The following ZSCAN30 variants were observed in gnomAD, a reference collection of about 807,000 sequenced individuals.
ZSCAN30 encodes the protein zinc finger and SCAN domain containing 30.
A neutral mutation model predicts 44.3 loss-of-function variants in ZSCAN30; 37 were observed. That is an observed-to-expected ratio of 0.84 (90% CI 0.64 to 1.10). The LOEUF is 1.10. Ranked by LOEUF, ZSCAN30 falls within the 50% of genes least tolerant of loss-of-function variation. ZSCAN30 has a pLI of 0.00. For missense variants in ZSCAN30, 549 were observed against 582.6 expected (o/e 0.94, Z 0.59); for synonymous variants, 181 against 204.6 (o/e 0.88, Z 0.98).
intron 1 of ZSCAN30, among the ~76,000 whole-genome samples, chr18:35,274,341 G>T (rs995382382): frequency 1.3e-5 from 2 of 152,058 alleles, no homozygotes; most frequent in African/African-American, 4.8e-5. Context: ...CCGGCCGAAG[G>T]TACTCCTCTT....
chr18:35,255,109 A>G (rs2043753860), intron 3 of ZSCAN30: 1 of 151,840 alleles, frequency 6.6e-6, no homozygotes, highest in South Asian at 2.1e-4. Flanking sequence ...GTATCAAAGA[A>G]GGGGATGGAG....
intron 1 of ZSCAN30, chr18:35,284,583 C>G (rs2044518453): frequency 6.4e-6 from 1 of 155,090 alleles, no homozygotes. Flanking sequence ...CAACAGCACC[C>G]TGGCTCGGCC....
intron 3 of ZSCAN30, chr18:35,260,405 T>A (rs2043998707): frequency 6.6e-6 from 1 of 152,200 alleles, no homozygotes; most frequent in Non-Finnish European, 1.5e-5. Flanking sequence ...TCAAGTGGTA[T>A]TTCTGGTTCT....
intron 1 of ZSCAN30, among the ~76,000 whole-genome samples, chr18:35,273,976 G>T (rs1200135260): frequency 6.6e-6 from 1 of 152,126 alleles, no homozygotes; most frequent in Non-Finnish European, 1.5e-5. Flanking sequence ...CTTTTATCAG[G>T]AATTTTCATG....
chr18:35,261,992 A>G (rs1331408684), intron 3 of ZSCAN30: 1 of 152,200 alleles, frequency 6.6e-6, no homozygotes, highest in Non-Finnish European at 1.5e-5. Context: ...TCCCAGAAGA[A>G]TTCAGTGGAT....
chr18:35,265,488 T>G (rs1378903633), intron 1 of ZSCAN30, among the ~76,000 whole-genome samples: 1 of 152,180 alleles, frequency 6.6e-6, no homozygotes, highest in Admixed American at 6.5e-5. Flanking sequence ...AGGCTGCAAC[T>G]CTACAGTACT....
intron 1 of ZSCAN30, among the ~76,000 whole-genome samples, chr18:35,272,955 G>C (rs1000971688): frequency 6.6e-6 from 1 of 152,094 alleles, no homozygotes; most frequent in African/African-American, 2.4e-5. Flanking sequence ...TCACTTCCAC[G>C]AGAACAGTAT....
chr18:35,289,285 G>A (rs1360631936), intron 1 of ZSCAN30: 1 of 152,066 alleles, frequency 6.6e-6, no homozygotes, highest in Admixed American at 6.5e-5. Flanking sequence ...AAAGAAAGCT[G>A]TTTTTTTAAA....
rs942789987 is a variant in ZSCAN30 at position 35,251,847 on chromosome 18, C to T, written c.*1603G>A. ...AGTATCAGGTAGTATCTTCATAGCA[C>T]TGTGAAAATGGACTAATACAAGCAG... On this transcript the variant is annotated 3_prime_UTR_variant, in exon 4 of 4. Coordinates refer to ENST00000333206, the MANE Select transcript of ZSCAN30 (RefSeq NM_001112734.4). 1 of 151,628 alleles carries T rather than the reference C, an allele frequency of 6.6e-6. No homozygotes were observed. The highest frequency in any genetic ancestry group is 6.6e-5 in the Admixed American group (1 of 15,200). 9.4% of individuals were successfully genotyped at this position (151,628 alleles called of 1,614,324 possible). A position where few individuals can be genotyped will look rare whatever the true frequency, so the allele number is the denominator to read the frequency against.
At chr18:35,276,987 G>A (rs539718330) in intron 1 of ZSCAN30, among the ~76,000 whole-genome samples, 1 of 152,358 alleles carries the variant, frequency 6.6e-6, no homozygotes, top group South Asian at 2.1e-4. Flanking sequence ...CCAAGGCTAT[G>A]CAAGCCCACC....
intron 3 of ZSCAN30, chr18:35,259,680 C>T (rs931587972): frequency 1.3e-5 from 2 of 154,266 alleles, no homozygotes; most frequent in African/African-American, 4.8e-5. Context: ...ACAGCTTCAA[C>T]ATATGAATTT....
intron 1 of ZSCAN30, among the ~76,000 whole-genome samples, chr18:35,264,780 A>G (rs951760222): frequency 7.2e-5 from 11 of 152,198 alleles, no homozygotes; most frequent in Non-Finnish European, 1.3e-4. Context: ...CCACCATTTT[A>G]TTGATCACTA....
chr18:35,277,014 C>T (rs1462986631), intron 1 of ZSCAN30, among the ~76,000 whole-genome samples: 1 of 152,202 alleles, frequency 6.6e-6, no homozygotes, highest in African/African-American at 2.4e-5. Flanking sequence ...ATCAGTGTGC[C>T]CTGGATGTGA....
At chr18:35,260,033 C>T (rs2043988915) in intron 3 of ZSCAN30, 1 of 152,204 alleles carries the variant, frequency 6.6e-6, no homozygotes, top group African/African-American at 2.4e-5. Context: ...CCCCACAGGC[C>T]CCAGTGTGTG....
chr18:35,276,931 G>A (rs1237726254), intron 1 of ZSCAN30, among the ~76,000 whole-genome samples: 1 of 152,210 alleles, frequency 6.6e-6, no homozygotes, highest in East Asian at 1.9e-4. Context: ...TGTGAAAGCA[G>A]CCAGGAGGGG....
chr18:35,285,147 C>G (rs1244587943), intron 1 of ZSCAN30: 2 of 152,902 alleles, frequency 1.3e-5, no homozygotes, highest in African/African-American at 4.8e-5. Flanking sequence ...CAACAACACT[C>G]CAGCCTGGGC....
intron 1 of ZSCAN30, among the ~76,000 whole-genome samples, chr18:35,265,944 A>G (rs960108285): frequency 7.2e-5 from 11 of 152,122 alleles, no homozygotes; most frequent in African/African-American, 2.7e-4. Flanking sequence ...GCAGAGTCTG[A>G]TATGAGTGAG....
chr18:35,273,576 A>T (rs1162446412), intron 1 of ZSCAN30, among the ~76,000 whole-genome samples: 4 of 152,164 alleles, frequency 2.6e-5, no homozygotes, highest in Non-Finnish European at 1.5e-5. Context: ...ATTCCATTGT[A>T]TGTATCCGGT....
intron 1 of ZSCAN30, among the ~76,000 whole-genome samples, chr18:35,272,215 A>G (rs2044294686): frequency 1.3e-5 from 2 of 152,236 alleles, no homozygotes; most frequent in Non-Finnish European, 2.9e-5. Context: ...TTTTTAGTAG[A>G]GACAAGCTTT....
Sources: allele counts gnomAD v4.1 joint callset (sites outside exome capture counted in the v4.1 genomes callset), GRCh38; gene constraint gnomAD v4.1.1; transcripts MANE v1.5; gene names NCBI Gene and HGNC (gene_info 2026-07-23, HGNC 2026-07-21).